Variants in MXRA7 observed in about 807,000 individuals in gnomAD.
The protein encoded by MXRA7 is matrix remodeling associated 7, also known as matrix-remodeling-associated protein 7.
Under a neutral mutation model 17.4 loss-of-function variants are expected in MXRA7, and 18 were observed. That is an observed-to-expected ratio of 1.03 (90% CI 0.71 to 1.53). The LOEUF (loss-of-function observed/expected upper bound fraction) is 1.53, where lower values mean the gene tolerates loss of function less well. MXRA7 is among the 40% of genes most tolerant of loss of function. MXRA7 has a pLI of 0.00. For synonymous variants in MXRA7, 70 were observed against 101.7 expected (o/e 0.69, Z 1.87); for missense variants, 141 against 209.3 (o/e 0.67, Z 2.01).
At chr17:76,700,445 T>C (rs999759784) in intron 1 of MXRA7, among the ~76,000 whole-genome samples, 1 of 151,754 alleles carries the variant, frequency 6.6e-6, no homozygotes, top group Non-Finnish European at 1.5e-5. Context: ...CTCTGGGGCA[T>C]AACATAACAG....
At chr17:76,700,175 T>G (rs576871964) in intron 1 of MXRA7, among the ~76,000 whole-genome samples, 1 of 152,206 alleles carries the variant, frequency 6.6e-6, no homozygotes, top group Non-Finnish European at 1.5e-5. Flanking sequence ...TTTTGCCACG[T>G]TGGCCAGGCT....
intron 1 of MXRA7, among the ~76,000 whole-genome samples, chr17:76,707,556 G>A (rs995972498): frequency 3.3e-5 from 5 of 151,968 alleles, no homozygotes; most frequent in African/African-American, 4.8e-5. Flanking sequence ...CTCCTGCCTC[G>A]GCCTCCCAAA....
At position 76,681,968 on chromosome 17, in the gene MXRA7, G is replaced by A. The variant is rs550675406; in HGVS notation, c.501-1089C>T. ...AGAGGCATGAAGTGTGTGAAACTCCGGCCCGAGGGGAGAGCTGAGGAGGCG... is the reference window on the plus strand; with the variant it reads ...AGAGGCATGAAGTGTGTGAAACTCCAGCCCGAGGGGAGAGCTGAGGAGGCG... On this transcript the variant is annotated intron_variant, in intron 3 of 3. Coordinates refer to ENST00000449428, the MANE Select transcript of MXRA7 (RefSeq NM_198530.4). This position sits in a 1 kb window ranked among gnomAD's most constrained non-coding sequence, Gnocchi z 4.7. Among the ~76,000 whole-genome samples, 54 of 152,324 alleles carry A rather than the reference G, an allele frequency of 3.5e-4. 1 individual carries two copies. The highest frequency in any genetic ancestry group is 1.2e-3 in the African/African-American group (50 of 41,566).
chr17:76,688,586 C>T (rs2076438409), intron 1 of MXRA7: 10 of 1,254,434 alleles, frequency 8.0e-6, no homozygotes, highest in Non-Finnish European at 9.0e-6. Flanking sequence ...GCATGGCCAT[C>T]GCAGCCTCTG....
At chr17:76,684,228 C>G (rs2076354455) in intron 3 of MXRA7, among the ~76,000 whole-genome samples, 1 of 152,196 alleles carries the variant, frequency 6.6e-6, no homozygotes, top group African/African-American at 2.4e-5. Flanking sequence ...AACCACCCCT[C>G]CTGCTCGGAC....
chr17:76,688,437 C>T, intron 1 of MXRA7: 2 of 1,362,888 alleles, frequency 1.5e-6, no homozygotes, highest in African/African-American at 1.5e-5. Context: ...TTGGCCTTTC[C>T]CAGGTGGGTG....
At chr17:76,708,450 C>T (rs1001110584) in intron 1 of MXRA7, among the ~76,000 whole-genome samples, 4 of 152,176 alleles carry the variant, frequency 2.6e-5, no homozygotes, top group Non-Finnish European at 4.4e-5. Flanking sequence ...GGGCATAGCC[C>T]CACTTCCCAA....
At chr17:76,683,802 CAGT>C in intron 3 of MXRA7, 1 of 1,464,374 alleles carries the variant, frequency 6.8e-7, no homozygotes, top group Non-Finnish European at 9.6e-7. Flanking sequence ...CGTTAGCACG[CAGT>C]AGAAGGGGAG....
chr17:76,680,931 T>C (rs1426671945), intron 3 of MXRA7, 52 bp from the exon 4 acceptor site: 12 of 1,448,200 alleles, frequency 8.3e-6, no homozygotes, highest in Non-Finnish European at 9.6e-7. Context: ...CATTCCATCC[T>C]GCACCATGGG....
At chr17:76,688,205 T>G (rs1034262506) in intron 1 of MXRA7, 29 bp from the exon 2 acceptor site, 1 of 1,613,720 alleles carries the variant, frequency 6.2e-7, no homozygotes, top group Admixed American at 1.7e-5. Context: ...GTCAGTGCCC[T>G]TGGCACAGAC....
chr17:76,690,173 G>A (rs2076463733), intron 1 of MXRA7: 1 of 152,178 alleles, frequency 6.6e-6, no homozygotes, highest in Non-Finnish European at 1.5e-5. Context: ...CGAAAATGCA[G>A]AGAAAAGGTT....
rs373788023 is a variant in MXRA7, at chr17:76,681,268, G to A, written c.501-389C>T. 3.3e-5 allele frequency among the ~76,000 whole-genome samples: 5 copies of A among 152,276 alleles called. No individual in the cohort carries two copies. The South Asian group carries it at 1.0e-3, about 32-fold the overall frequency. ...ATAATTTCCCATTCCCGCTGGCTGA[G>A]TTTTGTCCCCTCGGGGGATACTGGC... On this transcript the variant is annotated intron_variant, in intron 3 of 3. Transcript: ENST00000449428. This position sits in a 1 kb window ranked among gnomAD's most constrained non-coding sequence, Gnocchi z 4.7.
At chr17:76,702,884 T>C (rs868576989) in intron 1 of MXRA7, among the ~76,000 whole-genome samples, 4 of 147,902 alleles carry the variant, frequency 2.7e-5, no homozygotes, top group African/African-American at 7.7e-5. Flanking sequence ...TATATATATA[T>C]ATATATCTTG....
rs375752064 is a variant in MXRA7 at position 76,688,096 on chromosome 17, G to A, written c.406+17C>T. ...GACACTGTCAGGCCCCCTCATGAGC[G>A]CAGAGGTCCCACTCACCGTCCTCCT... On this transcript the variant is annotated intron_variant, in intron 2 of 3. Coordinates refer to ENST00000449428, the MANE Select transcript of MXRA7 (RefSeq NM_198530.4). The A allele has an allele frequency of 1.3e-4, 213 of 1,611,982 alleles. 1 individual carries two copies. The highest frequency in any genetic ancestry group is 4.0e-4 in the Admixed American group (24 of 59,944).
intron 2 of MXRA7, among the ~76,000 whole-genome samples, chr17:76,687,310 G>A (rs1257667917): frequency 6.6e-6 from 1 of 152,252 alleles, no homozygotes; most frequent in East Asian, 1.9e-4. Context: ...CCTGCCCGCA[G>A]GAGCTGGTTC....
chr17:76,683,936 T>G, intron 3 of MXRA7: 1 of 1,611,672 alleles, frequency 6.2e-7, no homozygotes, highest in Non-Finnish European at 8.5e-7. Flanking sequence ...TCCTGAAATA[T>G]AAATGCAGCA....
intron 1 of MXRA7, among the ~76,000 whole-genome samples, chr17:76,695,353 G>GGTGTCT (rs1555643784): frequency 6.8e-6 from 1 of 147,998 alleles, no homozygotes; most frequent in Non-Finnish European, 1.5e-5. Flanking sequence ...TTTAGCTTCA[G>GGTGTCT]GTGTGTGTGT....
intron 1 of MXRA7, among the ~76,000 whole-genome samples, chr17:76,702,351 T>C (rs942730867): frequency 2.0e-5 from 3 of 151,982 alleles, no homozygotes; most frequent in Non-Finnish European, 4.4e-5. Context: ...CTACAAAAAG[T>C]TTAACAATTA....
At chr17:76,688,282 C>T (rs561823446) in intron 1 of MXRA7, 106 bp from the exon 2 acceptor site, 70 of 1,538,414 alleles carry the variant, frequency 4.6e-5, no homozygotes, top group Non-Finnish European at 5.5e-5. Flanking sequence ...AAGGTCCAGC[C>T]TGCCCACGCC....
Sources: allele counts gnomAD v4.1 joint callset (sites outside exome capture counted in the v4.1 genomes callset), GRCh38; gene constraint gnomAD v4.1.1; non-coding constraint Gnocchi (gnomAD v3.1); transcripts MANE v1.5; gene names NCBI Gene and HGNC (gene_info 2026-07-23, HGNC 2026-07-21).